ENTREP2: variants seen among roughly 807,000 people sequenced by gnomAD.
ENTREP2 encodes endosomal transmembrane epsin interactor 2, also known as protein ENTREP2.
At chr15:29,490,385 CAACATGG>C in the ENTREP2 span, among the ~76,000 whole-genome samples, 366 of 151,942 alleles carry the variant, frequency 2.4e-3, 5 homozygotes, top group Middle Eastern at 0.01. Flanking sequence ...AAAACCTCCA[CAACATGG>C]AAGAGAACCC....
At chr15:29,385,184 A>C in the ENTREP2 span, among the ~76,000 whole-genome samples, 1 of 152,212 alleles carries the variant, frequency 6.6e-6, no homozygotes, top group African/African-American at 2.4e-5. Context: ...ACAGTGACTA[A>C]GTCGCTTGTA....
chr15:29,453,716 CT>C, the ENTREP2 span, among the ~76,000 whole-genome samples: 30 of 151,822 alleles, frequency 2.0e-4, no homozygotes, highest in Admixed American at 9.9e-4. Context: ...TCCAATCAGA[CT>C]TTTTTTTTGT....
the ENTREP2 span, among the ~76,000 whole-genome samples, chr15:29,664,906 A>G: frequency 6.6e-6 from 1 of 152,306 alleles, no homozygotes; most frequent in African/African-American, 2.4e-5. Flanking sequence ...GCGCCCAGCA[A>G]TCCTGGTGTG....
the ENTREP2 span, among the ~76,000 whole-genome samples, chr15:29,632,663 T>C: frequency 6.6e-6 from 1 of 152,148 alleles, no homozygotes; most frequent in Admixed American, 6.6e-5. Flanking sequence ...TAGGCACCTG[T>C]AATCCCAGCT....
the ENTREP2 span, among the ~76,000 whole-genome samples, chr15:29,256,028 T>C: frequency 1.4e-5 from 2 of 146,026 alleles, no homozygotes; most frequent in Non-Finnish European, 3.0e-5. Context: ...AGGAACACAA[T>C]CATGTTCTTT....
At chr15:29,615,259 G>C in the ENTREP2 span, among the ~76,000 whole-genome samples, 1 of 151,626 alleles carries the variant, frequency 6.6e-6, no homozygotes, top group African/African-American at 2.4e-5. Flanking sequence ...GGGTTCAAGC[G>C]ATTCTGCTGC....
chr15:29,286,684 C>T, the ENTREP2 span, among the ~76,000 whole-genome samples: 1 of 152,210 alleles, frequency 6.6e-6, no homozygotes, highest in Non-Finnish European at 1.5e-5. Context: ...AGAGCTCAGC[C>T]CATGCCACTG....
chr15:29,632,047 C>T, the ENTREP2 span, among the ~76,000 whole-genome samples: 4 of 152,202 alleles, frequency 2.6e-5, no homozygotes, highest in African/African-American at 9.7e-5. Flanking sequence ...TGCCCATTTC[C>T]CTGTCTCTGC....
chr15:29,558,176 A>C, the ENTREP2 span, among the ~76,000 whole-genome samples: 1 of 152,098 alleles, frequency 6.6e-6, no homozygotes, highest in Non-Finnish European at 1.5e-5. Context: ...TTGCTCCTGG[A>C]AACAAGGGAA....
chr15:29,475,664 G>A, the ENTREP2 span, among the ~76,000 whole-genome samples: 1 of 152,170 alleles, frequency 6.6e-6, no homozygotes, highest in East Asian at 1.9e-4. Flanking sequence ...AAATGAGGAG[G>A]AGGAGGAAGG....
At chr15:29,659,034 G>A in the ENTREP2 span, among the ~76,000 whole-genome samples, 2 of 152,340 alleles carry the variant, frequency 1.3e-5, no homozygotes, top group South Asian at 2.1e-4. Context: ...CGCTGCAATT[G>A]TTAACTGGCA....
At chr15:29,566,078 G>A in the ENTREP2 span, among the ~76,000 whole-genome samples, 1 of 152,184 alleles carries the variant, frequency 6.6e-6, no homozygotes, top group Middle Eastern at 3.2e-3. Flanking sequence ...GGTAATGTTG[G>A]TGGTCTATGG....
chr15:29,414,752 C>T, the ENTREP2 span, among the ~76,000 whole-genome samples: 2 of 151,972 alleles, frequency 1.3e-5, no homozygotes, highest in Non-Finnish European at 2.9e-5. Context: ...AGACTGCTAG[C>T]AAGACTAATA....
the ENTREP2 span, among the ~76,000 whole-genome samples, chr15:29,187,563 A>G: frequency 6.6e-6 from 1 of 152,126 alleles, no homozygotes; most frequent in Non-Finnish European, 1.5e-5. Flanking sequence ...GATGGAAACC[A>G]CTGCTCCTGG....
At chr15:29,233,529 G>A in the ENTREP2 span, 4 of 536,458 alleles carry the variant, frequency 7.5e-6, no homozygotes, top group African/African-American at 7.6e-5. Context: ...ATTTGTATAG[G>A]CCAAACAGAC....
At chr15:29,473,911 A>C in the ENTREP2 span, among the ~76,000 whole-genome samples, 17 of 152,196 alleles carry the variant, frequency 1.1e-4, no homozygotes, top group Admixed American at 4.6e-4. Context: ...GTTCAACAAC[A>C]TACCCAAGGT....
the ENTREP2 span, among the ~76,000 whole-genome samples, chr15:29,564,727 C>T: frequency 7.2e-5 from 11 of 152,150 alleles, no homozygotes; most frequent in African/African-American, 2.7e-4. Context: ...TCTTTCATTT[C>T]CCATCACTCC....
the ENTREP2 span, among the ~76,000 whole-genome samples, chr15:29,198,353 C>T: frequency 2.0e-5 from 3 of 152,142 alleles, no homozygotes; most frequent in Non-Finnish European, 2.9e-5. Flanking sequence ...ACTGTTCTGC[C>T]CTATGGTACA....
chr15:29,166,612 A>G, the ENTREP2 span, among the ~76,000 whole-genome samples: 1 of 152,148 alleles, frequency 6.6e-6, no homozygotes, highest in African/African-American at 2.4e-5. Flanking sequence ...ATACCTAACC[A>G]AGGAGTCAAA....
Sources: allele counts gnomAD v4.1 joint callset (sites outside exome capture counted in the v4.1 genomes callset), GRCh38; gene constraint gnomAD v4.1.1; transcripts MANE v1.5; gene names NCBI Gene and HGNC (gene_info 2026-07-23, HGNC 2026-07-21).